The following KCNC2 variants were observed in gnomAD, a reference collection of about 807,000 sequenced individuals.
KCNC2 encodes the protein potassium voltage-gated channel subfamily C member 2.
A neutral mutation model predicts 44.5 loss-of-function variants in KCNC2; 21 were observed. That is an observed-to-expected ratio of 0.47 (90% CI 0.33 to 0.68). The LOEUF (loss-of-function observed/expected upper bound fraction) is 0.68. Among genes scored for constraint, KCNC2 ranks in the 30% least tolerant of loss-of-function variants. The probability of loss-of-function intolerance (pLI) is 0.01; values close to 1 mark genes in which losing one functional copy is unlikely to be tolerated. For synonymous variants in KCNC2, 391 were observed against 339.1 expected (o/e 1.15, Z -1.68); for missense variants, 589 against 826.2 (o/e 0.71, Z 3.52).
At chr12:75,166,463 A>G (rs2137552856) in intron 2 of KCNC2, among the ~76,000 whole-genome samples, 1 of 151,056 alleles carries the variant, frequency 6.6e-6, no homozygotes, top group East Asian at 2.0e-4. Context: ...AAAAAGTTAG[A>G]CCTAACAGAT....
intron 2 of KCNC2, among the ~76,000 whole-genome samples, chr12:75,176,006 T>C (rs1892158774): frequency 6.6e-6 from 1 of 152,110 alleles, no homozygotes; most frequent in South Asian, 2.1e-4. Flanking sequence ...TATATTTTTG[T>C]TTGCAGTGGT....
At chr12:75,164,243 A>G (rs1891305982) in intron 2 of KCNC2, among the ~76,000 whole-genome samples, 1 of 151,626 alleles carries the variant, frequency 6.6e-6, no homozygotes, top group Admixed American at 6.6e-5. Flanking sequence ...GCCGTTCTCA[A>G]GTGTATGTGT....
At chr12:75,159,265 T>A (rs1890966443) in intron 2 of KCNC2, among the ~76,000 whole-genome samples, 1 of 151,730 alleles carries the variant, frequency 6.6e-6, no homozygotes, top group Admixed American at 6.6e-5. Context: ...ATTTAAAGTA[T>A]AATAAAAATA....
chr12:75,208,042 G>C (rs1274728267), intron 1 of KCNC2, 40 bp from the exon 2 acceptor site: 4 of 1,602,312 alleles, frequency 2.5e-6, no homozygotes, highest in Non-Finnish European at 2.5e-6. Context: ...AAAGATCTTA[G>C]CCGTCAAAGA....
Position 75,050,940 on chromosome 12 carries a change from G to A in KCNC2, c.1065C>T (p.Ile355=), listed in dbSNP as rs1327196529. 1.2e-6 allele frequency: 2 copies of A among 1,613,576 alleles called. No individual in the cohort carries two copies. The highest frequency in any genetic ancestry group is 3.3e-5 in the Admixed American group (2 of 59,922). ...GFLRVVRFVR[I]LRIFKLTRHF... ...GGCGGGTGAGCTTGAAAATTCTCAG[G>A]ATCCTCACAAACCTTACCACCCTGA... Residue 355 remains isoleucine (I), a synonymous_variant, in exon 3 of 5, where the codon ATC becomes ATT. Transcript: ENST00000549446.
rs1880027956 is a variant in KCNC2, at chr12:75,042,532, A to G, written c.*573T>C. The G allele has an allele frequency of 1.4e-6, 2 of 1,412,938 alleles. No individual in the cohort carries two copies. Among genetic ancestry groups the G allele is most frequent in the Admixed American group, 2.8e-5 (1 of 35,306 alleles). The allele number at this position is 1,412,938 out of a possible 1,614,324, so 87.5% of individuals were successfully genotyped here. A position where few individuals can be genotyped will look rare whatever the true frequency, so the allele number is the denominator to read the frequency against. ...AGTGCCCTCCCTGCCCCACAATTCA[A>G]CATGCAGAACAGTCGACCAATGCTT... On this transcript the variant is annotated 3_prime_UTR_variant, in exon 5 of 5. Transcript: ENST00000549446.
intron 2 of KCNC2, among the ~76,000 whole-genome samples, chr12:75,068,188 A>G (rs1050236114): frequency 6.6e-6 from 1 of 152,158 alleles, no homozygotes; most frequent in African/African-American, 2.4e-5. Flanking sequence ...GTTGAGTCCA[A>G]ATTGGGAATG....
At chr12:75,165,004 C>CT (rs1345779242) in intron 2 of KCNC2, among the ~76,000 whole-genome samples, 1 of 151,542 alleles carries the variant, frequency 6.6e-6, no homozygotes, top group Admixed American at 6.6e-5. Flanking sequence ...GCTGTACATA[C>CT]TTCAATTCCT....
chr12:75,086,697 T>TAC lies in KCNC2; in HGVS notation c.688-35381_688-35380insGT, dbSNP rs1885059691. ...AAAAAAAAAAATATATATATATATATATACACACACATATTTATCTTAAGT... is the reference window on the plus strand; with the variant it reads ...AAAAAAAAAAATATATATATATATATACATACACACACATATTTATCTTAAGT... On this transcript the variant is annotated intron_variant, in intron 2 of 4. Transcript: ENST00000549446. Among the ~76,000 whole-genome samples the TAC allele has an allele frequency of 2.1e-5, 3 of 144,904 alleles. 1 individual carries two copies. In the South Asian group the frequency reaches 6.5e-4, roughly 31 times the overall value.
At chr12:75,117,521 C>T (rs1029173078) in intron 2 of KCNC2, among the ~76,000 whole-genome samples, 11 of 152,202 alleles carry the variant, frequency 7.2e-5, no homozygotes, top group African/African-American at 2.2e-4. Context: ...CCAGTCACTT[C>T]GCTACAGTTT....
intron 2 of KCNC2, among the ~76,000 whole-genome samples, chr12:75,139,999 A>C (rs1475341476): frequency 1.3e-5 from 2 of 152,162 alleles, no homozygotes; most frequent in Admixed American, 1.3e-4. Flanking sequence ...AAACCACCCT[A>C]AAATATAGGC....
At chr12:75,140,419 G>T (rs1402690560) in intron 2 of KCNC2, among the ~76,000 whole-genome samples, 2 of 152,040 alleles carry the variant, frequency 1.3e-5, no homozygotes, top group Non-Finnish European at 2.9e-5. Flanking sequence ...TTTGTAAATG[G>T]CAAAGAATCA....
chr12:75,079,831 T>G (rs896906266), intron 2 of KCNC2, among the ~76,000 whole-genome samples: 1 of 152,126 alleles, frequency 6.6e-6, no homozygotes, highest in African/African-American at 2.4e-5. Flanking sequence ...ATTTTGGACA[T>G]AGACAAAAAA....
chr12:75,201,197 A>G (rs139231738), intron 2 of KCNC2, among the ~76,000 whole-genome samples: 1 of 141,722 alleles, frequency 7.1e-6, no homozygotes, highest in African/African-American at 2.6e-5. Context: ...TTCTATGGTA[A>G]CCACAGCAGT....
At chr12:75,154,826 A>C (rs528856978) in intron 2 of KCNC2, among the ~76,000 whole-genome samples, 1 of 152,154 alleles carries the variant, frequency 6.6e-6, no homozygotes, top group East Asian at 1.9e-4. Context: ...ATAAATAGAT[A>C]ATATAAAAGT....
chr12:75,134,035 A>G (rs2137359769), intron 2 of KCNC2, among the ~76,000 whole-genome samples: 1 of 152,090 alleles, frequency 6.6e-6, no homozygotes, highest in Non-Finnish European at 1.5e-5. Flanking sequence ...TCAAAATTGT[A>G]TTCTGATATA....
At chr12:75,125,095 G>C (rs1395088887) in intron 2 of KCNC2, among the ~76,000 whole-genome samples, 4 of 151,998 alleles carry the variant, frequency 2.6e-5, no homozygotes, top group Admixed American at 2.0e-4. Context: ...TACACACTGA[G>C]ACTCCGTCTC....
chr12:75,160,271 A>C (rs1453129023), intron 2 of KCNC2, among the ~76,000 whole-genome samples: 1 of 151,866 alleles, frequency 6.6e-6, no homozygotes, highest in Non-Finnish European at 1.5e-5. Flanking sequence ...CCAAAGATAT[A>C]GGCCTCAAAA....
chr12:75,177,585 G>T (rs1892280157), intron 2 of KCNC2, among the ~76,000 whole-genome samples: 1 of 151,894 alleles, frequency 6.6e-6, no homozygotes. Flanking sequence ...TCATTCAATT[G>T]TTCTTCTCTA....
Sources: allele counts gnomAD v4.1 joint callset (sites outside exome capture counted in the v4.1 genomes callset), GRCh38; gene constraint gnomAD v4.1.1; transcripts MANE v1.5; gene names NCBI Gene and HGNC (gene_info 2026-07-23, HGNC 2026-07-21).